DUXA: variants seen among roughly 807,000 people sequenced by gnomAD.
The protein encoded by DUXA is double homeobox protein A.
Under a neutral mutation model 27.5 loss-of-function variants are expected in DUXA, and 25 were observed. The ratio of observed to expected loss-of-function variants is 0.91; its 90% CI spans 0.66 to 1.27. The LOEUF (loss-of-function observed/expected upper bound fraction) is 1.27, where lower values mean the gene tolerates loss of function less well. DUXA is among the 50% of genes most tolerant of loss of function. DUXA has a pLI of 0.00. For synonymous variants in DUXA, 90 were observed against 80.5 expected, an observed-to-expected ratio of 1.12 and a Z score of -0.63; for missense variants, 247 against 242.9, an observed-to-expected ratio of 1.02 and a Z score of -0.11.
Position 57,161,979 on chromosome 19 carries a change from T to A in DUXA, c.26-1182A>T, listed in dbSNP as rs544139586. ...ATCATGGCACACTGCAGCTTTCACC[T>A]CCACAGGCTCAGGTGATCCTCCTAC... On this transcript the variant is annotated intron_variant, in intron 1 of 5. Coordinates refer to ENST00000554048, the MANE Select transcript of DUXA (RefSeq NM_001012729.2). Among the ~76,000 whole-genome samples, 272 of 152,228 alleles carry A rather than the reference T, an allele frequency of 1.8e-3. 2 individuals carry two copies. Among genetic ancestry groups the A allele is most frequent in the African/African-American group, 6.3e-3 (263 of 41,544 alleles).
intron 1 of DUXA, among the ~76,000 whole-genome samples, chr19:57,166,223 C>T (rs1232165398): frequency 2.6e-5 from 4 of 152,136 alleles, no homozygotes; most frequent in Non-Finnish European, 4.4e-5. Flanking sequence ...CCATACCAAG[C>T]GCCACGTTAT....
intron 4 of DUXA, 105 bp from the exon 5 acceptor site, chr19:57,155,477 C>T: frequency 1.2e-6 from 1 of 837,426 alleles, no homozygotes; most frequent in Non-Finnish European, 1.9e-6. Context: ...ACAGCGGTCT[C>T]TCTCAGAGTA....
At chr19:57,165,445 T>C (rs1465007485) in intron 1 of DUXA, among the ~76,000 whole-genome samples, 1 of 151,198 alleles carries the variant, frequency 6.6e-6, no homozygotes, top group Non-Finnish European at 1.5e-5. Context: ...AGGTAAGTCC[T>C]AGTAGAATTA....
intron 1 of DUXA, among the ~76,000 whole-genome samples, chr19:57,165,674 G>T (rs975769555): frequency 1.3e-5 from 2 of 151,508 alleles, no homozygotes; most frequent in Admixed American, 1.3e-4. Context: ...GCGTGGTGGC[G>T]GGCGTCTGTA....
At chr19:57,161,992 G>A (rs939465668) in intron 1 of DUXA, among the ~76,000 whole-genome samples, 1 of 152,076 alleles carries the variant, frequency 6.6e-6, no homozygotes. Context: ...ACAGGCTCAG[G>A]TGATCCTCCT....
At chr19:57,160,613 C>T in intron 2 of DUXA, 30 bp downstream of exon 2, 1 of 1,606,970 alleles carries the variant, frequency 6.2e-7, no homozygotes, top group Non-Finnish European at 8.5e-7. Context: ...TTTTTACTTC[C>T]AGTCCTGGAG....
chr19:57,158,721 C>T (rs772551970), intron 3 of DUXA, among the ~76,000 whole-genome samples: 5 of 152,136 alleles, frequency 3.3e-5, no homozygotes, highest in Admixed American at 6.6e-5. Context: ...CGGTGGCTCA[C>T]GCCTGTAATG....
At chr19:57,162,803 T>C (rs191882596) in intron 1 of DUXA, among the ~76,000 whole-genome samples, 16 of 152,272 alleles carry the variant, frequency 1.1e-4, no homozygotes, top group East Asian at 1.9e-4. Context: ...CTCGAACTCC[T>C]GACCTCCTGA....
At chr19:57,166,312 T>C (rs1168261823) in intron 1 of DUXA, among the ~76,000 whole-genome samples, 11 of 152,126 alleles carry the variant, frequency 7.2e-5, no homozygotes, top group Non-Finnish European at 5.9e-5. Flanking sequence ...TATGTATGTA[T>C]GTATGTATGT....
At chr19:57,167,290 T>A (rs1170035113) in intron 1 of DUXA, 129 bp downstream of exon 1, 4 of 1,169,588 alleles carry the variant, frequency 3.4e-6, no homozygotes, top group Non-Finnish European at 5.0e-6. Flanking sequence ...GAGAAACCGG[T>A]TTTCCCCTAT....
At position 57,154,465 on chromosome 19, in the gene DUXA, T is replaced by C; in HGVS notation, c.562A>G (p.Asn188Asp). Residue 188 changes from asparagine to aspartate, a missense_variant, in exon 6 of 6, where the codon AAT becomes GAT. Coordinates refer to ENST00000554048, the MANE Select transcript of DUXA (RefSeq NM_001012729.2). ...EGLQGAEDTQ[N>D]GTNFTSDSHF... ...GAGTCACTAGTGAAGTTGGTGCCAT[T>C]TTGTGTATCTTCTGCACCTAAGGAG... 6.2e-7 allele frequency: 1 copy of C among 1,613,716 alleles called. No homozygotes were observed. Among genetic ancestry groups the C allele is most frequent in the African/African-American group, 1.3e-5 (1 of 75,036 alleles).
In DUXA at chr19:57,160,660, C is replaced by T. The variant is rs774786999; in HGVS notation, c.163G>A (p.Glu55Lys). The stretch of plus-strand genomic sequence containing the variant: ...TAACTTACCTGGATTCTGGACTCTT[C>T]TGTATTGATTTCTAAAGCAAGTTTT... ...KQKLALEINTEESRIQIWFQN... is the reference protein window; with the variant it reads ...KQKLALEINTKESRIQIWFQN... Residue 55 changes from glutamate to lysine, a missense_variant, in exon 2 of 6, where the codon GAA (glutamate) becomes AAA (lysine). Glu to Lys is a moderately conservative substitution (Grantham distance 56, BLOSUM62 1). Transcript: ENST00000554048. 4.3e-6 allele frequency: 7 copies of T among 1,612,854 alleles called. No individual in the cohort carries two copies. In the Admixed American group the frequency reaches 5.0e-5, roughly 12 times the overall value.
In DUXA at chr19:57,159,195, C is replaced by T. The variant is rs967177301; in HGVS notation, c.264G>A (p.Gly88=). Residue 88 remains glycine (G), a synonymous_variant, in exon 3 of 6, where the codon GGG becomes GGA. Coordinates refer to ENST00000554048, the MANE Select transcript of DUXA (RefSeq NM_001012729.2). ...GAAACTCCACACCAGGTTGATCTTGCCCCTGGCTCTGGCTTGATTCTAAAG... is the reference window on the plus strand; with the variant it reads ...GAAACTCCACACCAGGTTGATCTTGTCCCTGGCTCTGGCTTGATTCTAAAG... The part of the protein sequence containing the change: ...AETLESSQSQ[G]QDQPGVEFQS... 2 of 1,614,134 alleles carry T rather than the reference C, an allele frequency of 1.2e-6. No homozygotes were observed. Among genetic ancestry groups the T allele is most frequent in the Middle Eastern group, 1.6e-4 (1 of 6,062 alleles).
At chr19:57,166,958 T>TA (rs898492488) in intron 1 of DUXA, among the ~76,000 whole-genome samples, 4 of 152,284 alleles carry the variant, frequency 2.6e-5, no homozygotes, top group East Asian at 3.9e-4. Flanking sequence ...AGATGCCTGT[T>TA]AGAGACAAGC....
chr19:57,158,657 A>G (rs1432038720), intron 3 of DUXA, among the ~76,000 whole-genome samples, 184 bp from the exon 4 acceptor site: 1 of 152,090 alleles, frequency 6.6e-6, no homozygotes, highest in Non-Finnish European at 1.5e-5. Flanking sequence ...ACCCAGGATG[A>G]TATGTCTGGG....
intron 2 of DUXA, among the ~76,000 whole-genome samples, chr19:57,160,023 T>C (rs944321010): frequency 6.6e-6 from 1 of 152,058 alleles, no homozygotes; most frequent in Non-Finnish European, 1.5e-5. Context: ...AAGAATCACT[T>C]GAACTTGGGA....
chr19:57,165,691 G>C (rs943240581), intron 1 of DUXA, among the ~76,000 whole-genome samples: 5 of 151,008 alleles, frequency 3.3e-5, no homozygotes, highest in African/African-American at 4.9e-5. Flanking sequence ...TGTAGTCCCA[G>C]CTACTCGGGA....
At position 57,167,457 on chromosome 19, in the gene DUXA, C is replaced by T. The variant is rs1480457693; in HGVS notation, c.-14G>A. The T allele has an allele frequency of 6.2e-7, 1 of 1,613,016 alleles. No homozygotes were observed. On this transcript the variant is annotated 5_prime_UTR_variant, in exon 1 of 6. Coordinates refer to ENST00000554048, the MANE Select transcript of DUXA (RefSeq NM_001012729.2). ...GTCTTCGGCCATGCTGGAAGAGAGT[C>T]CTGAAGGCTGAGCCACTGTCTGGGA...
In DUXA at chr19:57,166,544, G is replaced by A. The variant is rs188330509; in HGVS notation, c.25+875C>T. Reference sequence around the variant, plus strand: ...AGGCTGGTCTTGAACTCCTGACCTCGTGATCTGCCCACCGCGGCCTCCCAA... The same window carrying A: ...AGGCTGGTCTTGAACTCCTGACCTCATGATCTGCCCACCGCGGCCTCCCAA... On this transcript the variant is annotated intron_variant, in intron 1 of 5. Transcript: ENST00000554048. Among the ~76,000 whole-genome samples, 193 of 152,226 alleles carry A rather than the reference G, an allele frequency of 1.3e-3. 3 individuals are homozygous for A. The highest frequency in any genetic ancestry group is 4.5e-3 in the African/African-American group (185 of 41,538).
Sources: gnomAD v4.1 joint callset for allele counts (sites outside exome capture counted in the v4.1 genomes callset) on GRCh38, gnomAD v4.1.1 for gene constraint, MANE v1.5 for transcripts, NCBI Gene and HGNC (gene_info 2026-07-23, HGNC 2026-07-21) for gene names.